SDK1: variants seen among roughly 807,000 people sequenced by gnomAD.
SDK1 encodes the protein sidekick cell adhesion molecule 1, also known as protein sidekick-1.
A neutral mutation model predicts 245.5 loss-of-function variants in SDK1; 157 were observed. That is an observed-to-expected ratio of 0.64 (90% CI 0.56 to 0.73). The LOEUF (loss-of-function observed/expected upper bound fraction) is 0.73, where lower values mean the gene tolerates loss of function less well. Among genes scored for constraint, SDK1 ranks in the 30% least tolerant of loss-of-function variants. The pLI is 0.00. For synonymous variants in SDK1, 1,647 were observed against 1,278.5 expected (o/e 1.29, Z -6.15); for missense variants, 3,583 against 3,002.3 (o/e 1.19, Z -4.52).
At chr7:4,139,331 A>G (rs995844714) in intron 28 of SDK1, among the ~76,000 whole-genome samples, 5 of 152,192 alleles carry the variant, frequency 3.3e-5, no homozygotes, top group African/African-American at 1.2e-4. Flanking sequence ...TTTATACAAA[A>G]GAAGCATCTA....
rs112417411 is a variant in SDK1, at chr7:3,915,678, G to A, written c.848-35245G>A. On this transcript the variant is annotated intron_variant, in intron 5 of 44. Coordinates refer to ENST00000404826, the MANE Select transcript of SDK1 (RefSeq NM_152744.4). ...GTCTTTATTAGCAGCGTGAGAATGAGCTAATACATACACTAACCAAGCACC... is the reference window on the plus strand; with the variant it reads ...GTCTTTATTAGCAGCGTGAGAATGAACTAATACATACACTAACCAAGCACC... Among the ~76,000 whole-genome samples, 996 of 152,214 alleles carry A rather than the reference G, an allele frequency of 6.5e-3. 6 individuals are homozygous for A. The highest frequency in any genetic ancestry group is 0.023 in the African/African-American group (944 of 41,542).
intron 13 of SDK1, among the ~76,000 whole-genome samples, chr7:3,978,659 A>G (rs1377975653): frequency 6.6e-6 from 1 of 152,188 alleles, no homozygotes; most frequent in East Asian, 1.9e-4. Flanking sequence ...GATAATAATA[A>G]TAACCCGTGA....
chr7:3,487,071 G>A (rs1357970936), intron 1 of SDK1, among the ~76,000 whole-genome samples: 2 of 152,170 alleles, frequency 1.3e-5, no homozygotes, highest in African/African-American at 2.4e-5. Context: ...TGTTGTGAAA[G>A]TCGCCTTACA....
In SDK1 at chr7:4,114,267, G is replaced by A; in HGVS notation, c.3816G>A (p.Arg1272=). ...PWSEVVRGRT[R]ESVPSAAPEN... ...GCGAGGTGGTGCGGGGCCGGACGCG[G>A]GAGTCAGGTGAGGGGAAGGCGATTC... is the stretch of plus-strand genomic sequence containing the variant. The change falls in exon 25 of 45, where the codon CGG becomes CGA. Residue 1272 remains arginine (R), a synonymous_variant. Transcript: ENST00000404826. 1 of 1,600,592 alleles carries A rather than the reference G, an allele frequency of 6.2e-7. No homozygotes were observed. The highest frequency in any genetic ancestry group is 1.3e-5 in the African/African-American group (1 of 74,818).
At chr7:3,718,233 C>T (rs1198603979) in intron 4 of SDK1, among the ~76,000 whole-genome samples, 1 of 152,092 alleles carries the variant, frequency 6.6e-6, no homozygotes, top group African/African-American at 2.4e-5. Flanking sequence ...GTTGCGGTGG[C>T]TCATCCCTGT....
intron 4 of SDK1, among the ~76,000 whole-genome samples, chr7:3,760,464 A>G (rs1282149300): frequency 1.3e-5 from 2 of 152,150 alleles, no homozygotes; most frequent in African/African-American, 2.4e-5. Context: ...GTATGTTATT[A>G]TTGTTCATTT....
intron 1 of SDK1, among the ~76,000 whole-genome samples, chr7:3,577,000 A>G (rs1182901343): frequency 1.3e-5 from 2 of 151,866 alleles, no homozygotes; most frequent in Admixed American, 6.6e-5. Context: ...GACTTCCATC[A>G]TTTTTCATCG....
At chr7:3,836,588 A>G (rs990821148) in intron 5 of SDK1, among the ~76,000 whole-genome samples, 18 of 152,212 alleles carry the variant, frequency 1.2e-4, no homozygotes, top group Non-Finnish European at 1.9e-4. Flanking sequence ...GAACATGTAG[A>G]AGCAACAGGC....
chr7:3,892,060 G>A (rs192726476), intron 5 of SDK1, among the ~76,000 whole-genome samples: 32 of 151,430 alleles, frequency 2.1e-4, no homozygotes, highest in African/African-American at 6.8e-4. Flanking sequence ...TTTTTTTGCC[G>A]GGTGTTTTAA....
At chr7:3,338,644 C>A in intron 1 of SDK1, 2 of 196,474 alleles carry the variant, frequency 1.0e-5, no homozygotes, top group South Asian at 1.1e-4. Flanking sequence ...AAAAAAACAC[C>A]AAAACAAGAA....
At chr7:3,488,333 A>C (rs1583936472) in intron 1 of SDK1, among the ~76,000 whole-genome samples, 1 of 151,798 alleles carries the variant, frequency 6.6e-6, no homozygotes, top group South Asian at 2.1e-4. Flanking sequence ...CAGCGTCCTT[A>C]CTGTCGTTAT....
chr7:3,948,308 A>C (rs1177936663), intron 5 of SDK1, among the ~76,000 whole-genome samples: 1 of 125,408 alleles, frequency 8.0e-6, no homozygotes, highest in Non-Finnish European at 1.5e-5. Flanking sequence ...CCCAGGCTGG[A>C]CTGCAGTGAT....
intron 4 of SDK1, among the ~76,000 whole-genome samples, chr7:3,687,292 C>T (rs895133977): frequency 1.3e-5 from 2 of 151,940 alleles, no homozygotes. Flanking sequence ...CCACACCCAG[C>T]TAATTTTTGT....
intron 5 of SDK1, among the ~76,000 whole-genome samples, chr7:3,841,813 T>A (rs944375411): frequency 6.6e-6 from 1 of 152,136 alleles, no homozygotes; most frequent in African/African-American, 2.4e-5. Context: ...TCCACCTACC[T>A]CAGCCTCCCA....
intron 1 of SDK1, among the ~76,000 whole-genome samples, chr7:3,333,031 G>A (rs1053859083): frequency 6.6e-6 from 1 of 152,154 alleles, no homozygotes; most frequent in Non-Finnish European, 1.5e-5. Context: ...TTTTATAAGG[G>A]CAGCGCCAAG....
At chr7:3,476,088 AC>A (rs1781340556) in intron 1 of SDK1, 1 of 152,620 alleles carries the variant, frequency 6.6e-6, no homozygotes, top group Non-Finnish European at 1.5e-5. Flanking sequence ...CTATTTTCAA[AC>A]AATTTCTCTC....
intron 5 of SDK1, among the ~76,000 whole-genome samples, chr7:3,901,805 A>G (rs559498620): frequency 7.7e-4 from 116 of 150,720 alleles, no homozygotes; most frequent in Non-Finnish European, 1.4e-3. Context: ...TCTGTAAGGA[A>G]CTCCTTTTCC....
chr7:3,809,599 G>C (rs1779334848), intron 4 of SDK1, among the ~76,000 whole-genome samples: 1 of 152,200 alleles, frequency 6.6e-6, no homozygotes, highest in African/African-American at 2.4e-5. Flanking sequence ...AGACTGGAAA[G>C]GTGATGGAAA....
rs568360559 is a variant in SDK1, at chr7:3,402,203, T to A, written c.298+100319T>A. Among the ~76,000 whole-genome samples, 18 of 152,278 alleles carry A rather than the reference T, an allele frequency of 1.2e-4. No individual in the cohort carries two copies. The South Asian group carries it at 3.5e-3, about 30-fold the overall frequency. ...AGTATCCTGCACTCAGTAGGATATG[T>A]GGAGGATATATATAAAATCTAATTG... is the stretch of plus-strand genomic sequence containing the variant. On this transcript the variant is annotated intron_variant, in intron 1 of 44. Transcript: ENST00000404826.
Sources: allele counts gnomAD v4.1 joint callset (sites outside exome capture counted in the v4.1 genomes callset), GRCh38; gene constraint gnomAD v4.1.1; transcripts MANE v1.5; gene names NCBI Gene and HGNC (gene_info 2026-07-23, HGNC 2026-07-21).